Variants in GPC5 observed in about 807,000 individuals in gnomAD.
GPC5 encodes glypican 5, also known as glypican-5.
A neutral mutation model predicts 53.9 loss-of-function variants in GPC5; 47 were observed. That is an observed-to-expected ratio of 0.87 (90% CI 0.69 to 1.11). GPC5 has a LOEUF of 1.11. GPC5 is among the 50% of genes most tolerant of loss of function. GPC5 has a pLI of 0.00. For missense variants in GPC5, 748 were observed against 713.1 expected (o/e 1.05, Z -0.56); for synonymous variants, 286 against 263.3 (o/e 1.09, Z -0.84).
rs539448596 is a variant in GPC5 at position 92,205,142 on chromosome 13, TGCTGGGATTACAG to T, written c.1561+60156_1561+60168del. 8.2e-3 allele frequency among the ~76,000 whole-genome samples: 1,253 copies of T among 152,168 alleles called. 14 individuals are homozygous for T. The highest frequency in any genetic ancestry group is 0.012 in the Admixed American group (189 of 15,292). On this transcript the variant is annotated intron_variant, in intron 7 of 7. Coordinates refer to ENST00000377067, the MANE Select transcript of GPC5 (RefSeq NM_004466.6). The stretch of plus-strand genomic sequence containing the variant: ...ATCCGCCCACCTCGGCCTCCCAGAG[TGCTGGGATTACAG>T]GCCTGAGCCACCGCACCCGGCCCTG...
At chr13:92,148,371 C>A (rs1036446782) in intron 7 of GPC5, among the ~76,000 whole-genome samples, 1 of 151,986 alleles carries the variant, frequency 6.6e-6, no homozygotes, top group Non-Finnish European at 1.5e-5. Context: ...AAAATATTTG[C>A]GTACCTTTTA....
intron 7 of GPC5, among the ~76,000 whole-genome samples, chr13:92,594,061 G>T (rs142831917): frequency 6.6e-6 from 1 of 152,164 alleles, no homozygotes; most frequent in Non-Finnish European, 1.5e-5. Context: ...AACAAATGGA[G>T]TGGTAGTAAC....
At chr13:91,621,564 T>C (rs1009966689) in intron 2 of GPC5, among the ~76,000 whole-genome samples, 2 of 151,968 alleles carry the variant, frequency 1.3e-5, no homozygotes, top group African/African-American at 2.4e-5. Context: ...GAGGTCCTGA[T>C]AGTCATTTTA....
intron 5 of GPC5, among the ~76,000 whole-genome samples, chr13:91,884,942 G>C (rs2039306116): frequency 6.6e-6 from 1 of 151,964 alleles, no homozygotes. Flanking sequence ...TTACTATCTT[G>C]TTTTATAACC....
At chr13:92,527,963 C>T (rs528916123) in intron 7 of GPC5, among the ~76,000 whole-genome samples, 9 of 152,154 alleles carry the variant, frequency 5.9e-5, no homozygotes, top group African/African-American at 1.9e-4. Flanking sequence ...TAGGTAGTTA[C>T]CCACCACTAT....
At chr13:92,516,160 T>C (rs9584033) in intron 7 of GPC5, among the ~76,000 whole-genome samples, 5,105 of 152,142 alleles carry the variant, frequency 0.034, 245 homozygotes, top group African/African-American at 0.1. Flanking sequence ...ACAGCTAATT[T>C]TTTTTCTACT....
intron 4 of GPC5, among the ~76,000 whole-genome samples, chr13:91,738,342 A>AT (rs1372382070): frequency 6.6e-6 from 1 of 151,368 alleles, no homozygotes; most frequent in Admixed American, 6.6e-5. Flanking sequence ...CTACAGTTAT[A>AT]TTTTGGGGTG....
intron 2 of GPC5, among the ~76,000 whole-genome samples, chr13:91,681,926 T>G (rs1453765985): frequency 6.6e-6 from 1 of 152,228 alleles, no homozygotes. Context: ...TTTTGTTCAA[T>G]TATATAAAGT....
intron 2 of GPC5, among the ~76,000 whole-genome samples, chr13:91,607,261 C>T (rs2033400485): frequency 6.6e-6 from 1 of 152,178 alleles, no homozygotes; most frequent in Admixed American, 6.5e-5. Context: ...CTCTGAGAAC[C>T]ATATCGATCT....
intron 5 of GPC5, among the ~76,000 whole-genome samples, chr13:91,793,471 A>T (rs1313450035): frequency 6.6e-6 from 1 of 152,122 alleles, no homozygotes; most frequent in African/African-American, 2.4e-5. Context: ...TTCTTCTTAA[A>T]TCTTTTGTCA....
At chr13:92,314,720 A>G (rs917662875) in intron 7 of GPC5, among the ~76,000 whole-genome samples, 2 of 152,200 alleles carry the variant, frequency 1.3e-5, no homozygotes, top group Non-Finnish European at 2.9e-5. Flanking sequence ...CTGCAGATGA[A>G]GACCAGAGAG....
chr13:91,917,450 G>T (rs1228486567), intron 6 of GPC5, among the ~76,000 whole-genome samples: 1 of 152,198 alleles, frequency 6.6e-6, no homozygotes, highest in Non-Finnish European at 1.5e-5. Flanking sequence ...TTCTTCAGCA[G>T]TAGGGTCCAA....
At chr13:91,596,383 T>C (rs980703362) in intron 2 of GPC5, among the ~76,000 whole-genome samples, 4 of 152,248 alleles carry the variant, frequency 2.6e-5, no homozygotes, top group Admixed American at 6.5e-5. Context: ...ACATGCTATG[T>C]GGTTAAATAT....
At chr13:92,758,068 T>A (rs1444849652) in intron 7 of GPC5, among the ~76,000 whole-genome samples, 167 of 149,802 alleles carry the variant, frequency 1.1e-3, no homozygotes, top group Non-Finnish European at 1.7e-3. Flanking sequence ...AATAGCAAAG[T>A]CTTGGAACCA....
At chr13:91,586,210 T>C (rs1302581464) in intron 2 of GPC5, among the ~76,000 whole-genome samples, 1 of 151,480 alleles carries the variant, frequency 6.6e-6, no homozygotes, top group African/African-American at 2.4e-5. Context: ...CTTATTTATT[T>C]ATGTAAATGT....
intron 6 of GPC5, among the ~76,000 whole-genome samples, chr13:91,922,927 T>A (rs2352192): frequency 6.6e-6 from 1 of 151,974 alleles, no homozygotes; most frequent in African/African-American, 2.4e-5. Context: ...TTTTTCTGGG[T>A]GTTAACTTAA....
chr13:91,459,597 A>C (rs1424426542), intron 2 of GPC5, among the ~76,000 whole-genome samples: 1 of 152,058 alleles, frequency 6.6e-6, no homozygotes, highest in African/African-American at 2.4e-5. Context: ...CATGGACTTG[A>C]GTCTCCAAGT....
At chr13:92,059,215 G>A (rs1461539479) in intron 6 of GPC5, among the ~76,000 whole-genome samples, 2 of 151,336 alleles carry the variant, frequency 1.3e-5, no homozygotes, top group Non-Finnish European at 2.9e-5. Flanking sequence ...TCTTAGATGA[G>A]AAGACCACAA....
At chr13:92,426,809 C>T (rs1876855407) in intron 7 of GPC5, among the ~76,000 whole-genome samples, 1 of 151,914 alleles carries the variant, frequency 6.6e-6, no homozygotes, top group East Asian at 1.9e-4. Flanking sequence ...GAACATGGAT[C>T]CATAGAGAGC....
Sources: gnomAD v4.1 joint callset for allele counts (sites outside exome capture counted in the v4.1 genomes callset) on GRCh38, gnomAD v4.1.1 for gene constraint, MANE v1.5 for transcripts, NCBI Gene and HGNC (gene_info 2026-07-23, HGNC 2026-07-21) for gene names.